The following SPTLC2 variants were observed in gnomAD, a reference collection of about 807,000 sequenced individuals.
SPTLC2 encodes the protein serine palmitoyltransferase long chain base subunit 2.
In SPTLC2, 21 loss-of-function variants were observed where a neutral mutation model predicts 62.0. The ratio of observed to expected loss-of-function variants is 0.34; its 90% confidence interval spans 0.24 to 0.49. The LOEUF (loss-of-function observed/expected upper bound fraction) is 0.49, where lower values mean the gene tolerates loss of function less well. SPTLC2 is among the 20% of genes least tolerant of loss of function. SPTLC2 has a pLI of 0.99. For missense variants in SPTLC2, 511 were observed against 713.0 expected (o/e 0.72, Z 3.23); for synonymous variants, 261 against 261.8 (o/e 1.00, Z 0.03).
chr14:77,540,397 G>A (rs905017872), intron 9 of SPTLC2, among the ~76,000 whole-genome samples: 2 of 152,076 alleles, frequency 1.3e-5, no homozygotes. Flanking sequence ...GAAGAGGAAG[G>A]CACAGCAGCC....
At chr14:77,598,753 A>T (rs1231200559) in intron 1 of SPTLC2, among the ~76,000 whole-genome samples, 2 of 152,118 alleles carry the variant, frequency 1.3e-5, no homozygotes, top group East Asian at 3.9e-4. Flanking sequence ...GCACATGGCA[A>T]AATCTTGCCT....
At chr14:77,577,272 G>A (rs1267497932) in intron 3 of SPTLC2, among the ~76,000 whole-genome samples, 1 of 151,904 alleles carries the variant, frequency 6.6e-6, no homozygotes, top group Non-Finnish European at 1.5e-5. Flanking sequence ...ATACACATGA[G>A]GATCCTTTGA....
Position 77,512,383 on chromosome 14 carries a change from T to C in SPTLC2, c.1590A>G (p.Glu530=). 6.2e-7 allele frequency: 1 copy of C among 1,614,238 alleles called. No individual in the cohort carries two copies. The change falls in exon 12 of 12, where the codon GAA becomes GAG. Residue 530 remains glutamate, a synonymous_variant. Transcript: ENST00000216484. Reference sequence around the variant, plus strand: ...ACTTCAGCTGCAATAGGTCCCCAACTTCATCTATCTCCTTTAAAGCCTAAA... The same window carrying C: ...ACTTCAGCTGCAATAGGTCCCCAACCTCATCTATCTCCTTTAAAGCCTAAA... ...ILDTALKEID[E]VGDLLQLKYS... is the part of the protein sequence containing the mutation.
chr14:77,540,278 G>C (rs146076396), intron 9 of SPTLC2, among the ~76,000 whole-genome samples: 42 of 150,292 alleles, frequency 2.8e-4, no homozygotes, highest in Middle Eastern at 3.5e-3. Flanking sequence ...AGCAATAAAG[G>C]AATAATATGC....
At chr14:77,590,379 A>G (rs1006842244) in intron 2 of SPTLC2, among the ~76,000 whole-genome samples, 1 of 152,238 alleles carries the variant, frequency 6.6e-6, no homozygotes, top group Non-Finnish European at 1.5e-5. Flanking sequence ...GCCCTCTTGG[A>G]ATTTGTATTC....
At chr14:77,590,104 T>C (rs896230203) in intron 2 of SPTLC2, among the ~76,000 whole-genome samples, 1 of 152,072 alleles carries the variant, frequency 6.6e-6, no homozygotes, top group Admixed American at 6.6e-5. Context: ...GTCTCCCAAG[T>C]AGCTAAGACT....
chr14:77,542,080 C>CAAAA, intron 9 of SPTLC2, among the ~76,000 whole-genome samples: 8 of 125,056 alleles, frequency 6.4e-5, no homozygotes, highest in South Asian at 2.5e-4. Context: ...AAAAAAAAAC[C>CAAAA]AAGAAAAACC....
intron 2 of SPTLC2, among the ~76,000 whole-genome samples, chr14:77,589,012 A>C (rs141833407): frequency 1.3e-5 from 1 of 78,534 alleles, no homozygotes; most frequent in East Asian, 4.3e-4. Context: ...AAAAAAAAAA[A>C]AAAAAAAAAA....
chr14:77,556,872 CA>C (rs1440052351), intron 7 of SPTLC2, among the ~76,000 whole-genome samples, 168 bp downstream of exon 7: 2 of 152,100 alleles, frequency 1.3e-5, no homozygotes, highest in African/African-American at 4.8e-5. Flanking sequence ...AAGAACTAGA[CA>C]AAAAGACTTC....
At chr14:77,572,075 A>C (rs532436957) in intron 4 of SPTLC2, among the ~76,000 whole-genome samples, 1 of 152,246 alleles carries the variant, frequency 6.6e-6, no homozygotes, top group Non-Finnish European at 1.5e-5. Flanking sequence ...GGCGTGAGCC[A>C]CCGCATCCAG....
intron 2 of SPTLC2, among the ~76,000 whole-genome samples, chr14:77,581,248 T>C (rs2079748442): frequency 6.6e-6 from 1 of 152,174 alleles, no homozygotes; most frequent in African/African-American, 2.4e-5. Context: ...TTTTCATTGC[T>C]AAAGAAGGCT....
At chr14:77,605,411 T>A (rs1421302595) in intron 1 of SPTLC2, among the ~76,000 whole-genome samples, 1 of 152,182 alleles carries the variant, frequency 6.6e-6, no homozygotes, top group Non-Finnish European at 1.5e-5. Context: ...GCTAGTGCTT[T>A]CACAGTAACA....
At chr14:77,532,754 A>G (rs1323656065) in intron 9 of SPTLC2, among the ~76,000 whole-genome samples, 1 of 152,124 alleles carries the variant, frequency 6.6e-6, no homozygotes, top group East Asian at 1.9e-4. Context: ...ACTGCACTCC[A>G]GCCTGGGCAA....
intron 9 of SPTLC2, among the ~76,000 whole-genome samples, chr14:77,546,533 T>C (rs993278542): frequency 3.3e-5 from 5 of 151,936 alleles, no homozygotes; most frequent in African/African-American, 1.2e-4. Flanking sequence ...GAGGAGGAAA[T>C]TGAGAAAAGA....
chr14:77,532,895 A>G (rs2079448541), intron 9 of SPTLC2, among the ~76,000 whole-genome samples: 1 of 152,330 alleles, frequency 6.6e-6, no homozygotes, highest in East Asian at 1.9e-4. Flanking sequence ...TGAGGATACA[A>G]TGGAGTACAA....
At chr14:77,566,828 C>T (rs776877532) in intron 5 of SPTLC2, among the ~76,000 whole-genome samples, 4 of 151,832 alleles carry the variant, frequency 2.6e-5, no homozygotes, top group Non-Finnish European at 5.9e-5. Flanking sequence ...TATACTGCCC[C>T]ACCCTGCCAT....
At chr14:77,542,971 A>G (rs569467742) in intron 9 of SPTLC2, among the ~76,000 whole-genome samples, 3 of 152,364 alleles carry the variant, frequency 2.0e-5, no homozygotes, top group African/African-American at 7.2e-5. Context: ...CACAAAAGGC[A>G]GAAAAGAGGC....
intron 8 of SPTLC2, chr14:77,554,823 T>C (rs951418794): frequency 2.8e-5 from 5 of 178,482 alleles, no homozygotes; most frequent in Admixed American, 2.2e-4. Context: ...AACTTCATAG[T>C]TTAAAAATTG....
intron 2 of SPTLC2, among the ~76,000 whole-genome samples, chr14:77,589,029 A>C (rs1232107998): frequency 1.4e-4 from 16 of 114,116 alleles, no homozygotes; most frequent in Admixed American, 5.4e-4. Context: ...AAAAAAAAAA[A>C]CACACAAAGA....
Sources: allele counts gnomAD v4.1 joint callset (sites outside exome capture counted in the v4.1 genomes callset), GRCh38; gene constraint gnomAD v4.1.1; transcripts MANE v1.5; gene names NCBI Gene and HGNC (gene_info 2026-07-23, HGNC 2026-07-21).